The following SAMMSON variants were observed in gnomAD, a reference collection of about 807,000 sequenced individuals.
SAMMSON encodes the protein survival associated mitochondrial melanoma specific oncogenic non-coding RNA.
At chr3:70,294,220 GA>G (rs1384539319) in intron 7 of SAMMSON, among the ~76,000 whole-genome samples, 1 of 152,068 alleles carries the variant, frequency 6.6e-6, no homozygotes, top group African/African-American at 2.4e-5. Flanking sequence ...TTATTCTTTA[GA>G]ATAAAAATTA....
chr3:70,221,053 C>T (rs1701457055), intron 4 of SAMMSON, among the ~76,000 whole-genome samples: 1 of 152,124 alleles, frequency 6.6e-6, no homozygotes. Flanking sequence ...GCATCTAAAC[C>T]AGGTACAACA....
chr3:70,388,811 T>C (rs1033271512), intron 9 of SAMMSON, among the ~76,000 whole-genome samples: 1 of 152,118 alleles, frequency 6.6e-6, no homozygotes, highest in Non-Finnish European at 1.5e-5. Flanking sequence ...TTAATTGCAG[T>C]CATAAGTTTC....
At chr3:70,386,794 T>C (rs1483019416) in intron 9 of SAMMSON, among the ~76,000 whole-genome samples, 3 of 152,062 alleles carry the variant, frequency 2.0e-5, no homozygotes, top group Non-Finnish European at 4.4e-5. Flanking sequence ...TAAAGGAAGG[T>C]GGCTTGGAAG....
At chr3:70,051,838 A>G (rs1321212437) in intron 3 of SAMMSON, among the ~76,000 whole-genome samples, 1 of 152,058 alleles carries the variant, frequency 6.6e-6, no homozygotes, top group Non-Finnish European at 1.5e-5. Context: ...TGGCTCATGC[A>G]TTTAATCCCA....
chr3:70,367,848 T>A (rs995889885), intron 9 of SAMMSON, among the ~76,000 whole-genome samples: 1 of 151,654 alleles, frequency 6.6e-6, no homozygotes, highest in Non-Finnish European at 1.5e-5. Flanking sequence ...ACTAACAGTG[T>A]ACTAGAGTCC....
At chr3:70,015,291 A>C (rs1018001268) in intron 3 of SAMMSON, 3 of 152,114 alleles carry the variant, frequency 2.0e-5, no homozygotes. Context: ...AAAAAAAACC[A>C]AACCAACAAA....
chr3:70,424,521 A>T (rs1186914840), intron 2 of SAMMSON, among the ~76,000 whole-genome samples: 1 of 152,198 alleles, frequency 6.6e-6, no homozygotes, highest in Non-Finnish European at 1.5e-5. Flanking sequence ...ACACTGACAC[A>T]TTAACTGTGG....
At position 70,021,687 on chromosome 3, in the gene SAMMSON, C is replaced by T. The variant is rs571193859; in HGVS notation, n.417+8015C>T. On this transcript the variant is annotated intron_variant and non_coding_transcript_variant, in intron 3 of 9. Transcript: ENST00000642114. ...GTGGTGATATTAACAGGGAAAAAAACCCATCATCATTATATATTTTATTAT... is the reference window on the plus strand; with the variant it reads ...GTGGTGATATTAACAGGGAAAAAAATCCATCATCATTATATATTTTATTAT... Among the ~76,000 whole-genome samples the T allele has an allele frequency of 3.9e-5, 6 of 152,072 alleles. No individual in the cohort carries two copies. The South Asian group carries it at 1.2e-3, about 32-fold the overall frequency.
chr3:70,386,733 C>T (rs1001272086), intron 9 of SAMMSON, among the ~76,000 whole-genome samples: 1 of 152,010 alleles, frequency 6.6e-6, no homozygotes, highest in African/African-American at 2.4e-5. Context: ...TACATGAGGG[C>T]AGTTTTATTT....
chr3:70,234,144 G>GTGGA (rs1701587178), intron 4 of SAMMSON, among the ~76,000 whole-genome samples: 1 of 152,208 alleles, frequency 6.6e-6, no homozygotes, highest in Non-Finnish European at 1.5e-5. Flanking sequence ...TGAGTGGGAT[G>GTGGA]TGGACAACTA....
chr3:70,125,261 A>G (rs2067452076), intron 4 of SAMMSON: 1 of 1,273,116 alleles, frequency 7.9e-7, no homozygotes, highest in Non-Finnish European at 1.1e-6. Context: ...ATCAAACATG[A>G]TCTACTGTGT....
At chr3:70,079,090 C>T (rs994607063) in intron 4 of SAMMSON, among the ~76,000 whole-genome samples, 4 of 152,168 alleles carry the variant, frequency 2.6e-5, no homozygotes, top group African/African-American at 9.7e-5. Context: ...AAAATATTTA[C>T]TCTCTGGCCA....
At chr3:70,208,853 T>G (rs891567886) in intron 4 of SAMMSON, among the ~76,000 whole-genome samples, 1 of 152,126 alleles carries the variant, frequency 6.6e-6, no homozygotes, top group African/African-American at 2.4e-5. Flanking sequence ...ATTTCTATTC[T>G]CTTCCTTTTA....
chr3:70,019,292 A>G (rs923372955), intron 3 of SAMMSON, among the ~76,000 whole-genome samples: 2 of 152,162 alleles, frequency 1.3e-5, no homozygotes, highest in African/African-American at 2.4e-5. Flanking sequence ...TATATTTAGG[A>G]TAGTTAGCTC....
At chr3:70,404,767 C>G (rs1224158168) in intron 2 of SAMMSON, among the ~76,000 whole-genome samples, 1 of 152,154 alleles carries the variant, frequency 6.6e-6, no homozygotes, top group African/African-American at 2.4e-5. Flanking sequence ...CTATCCGAGG[C>G]ACTTTCTGGA....
chr3:70,235,001 A>G (rs555055478), intron 4 of SAMMSON, among the ~76,000 whole-genome samples: 1 of 152,104 alleles, frequency 6.6e-6, no homozygotes, highest in Admixed American at 6.5e-5. Flanking sequence ...GATGATTCTA[A>G]TGTGTAGCCA....
intron 4 of SAMMSON, among the ~76,000 whole-genome samples, chr3:70,161,442 G>A (rs1215449324): frequency 1.3e-5 from 2 of 151,858 alleles, no homozygotes; most frequent in Non-Finnish European, 2.9e-5. Flanking sequence ...TGTGGTTTTT[G>A]TTCTTTCTCT....
At chr3:70,025,518 C>T (rs776934218) in intron 3 of SAMMSON, among the ~76,000 whole-genome samples, 21 of 152,210 alleles carry the variant, frequency 1.4e-4, no homozygotes, top group Non-Finnish European at 2.9e-4. Flanking sequence ...GCTGGGATTA[C>T]AGGCATGAGC....
At chr3:70,139,602 G>A (rs1484975456) in intron 4 of SAMMSON, among the ~76,000 whole-genome samples, 2 of 152,156 alleles carry the variant, frequency 1.3e-5, no homozygotes, top group East Asian at 3.9e-4. Flanking sequence ...GCAGCACATG[G>A]GACTCATACC....
Sources: allele counts gnomAD v4.1 joint callset (sites outside exome capture counted in the v4.1 genomes callset), GRCh38; gene constraint gnomAD v4.1.1; transcripts MANE v1.5; gene names NCBI Gene and HGNC (gene_info 2026-07-23, HGNC 2026-07-21).